The following PCDH9 variants were observed in gnomAD, a reference collection of about 807,000 sequenced individuals.
PCDH9 encodes the protein protocadherin 9, also known as protocadherin-9.
PCDH9 carries 24 observed loss-of-function variants against 70.6 expected under a neutral mutation model. The ratio of observed to expected loss-of-function variants is 0.34; its 90% CI spans 0.25 to 0.48. The LOEUF is 0.48. Among genes scored for constraint, PCDH9 ranks in the 20% least tolerant of loss-of-function variants. PCDH9 has a pLI of 0.99. For synonymous variants in PCDH9, 562 were observed against 558.5 expected, an observed-to-expected ratio of 1.01 and a Z score of -0.09; for missense variants, 1,281 against 1,503.6, an observed-to-expected ratio of 0.85 and a Z score of 2.45.
At chr13:66,748,003 G>C (rs2079398773) in intron 3 of PCDH9, among the ~76,000 whole-genome samples, 1 of 152,096 alleles carries the variant, frequency 6.6e-6, no homozygotes, top group Non-Finnish European at 1.5e-5. Flanking sequence ...AAACATTTAA[G>C]GAAGTAAGGA....
At chr13:66,483,381 C>T (rs1001421568) in intron 4 of PCDH9, among the ~76,000 whole-genome samples, 1 of 152,020 alleles carries the variant, frequency 6.6e-6, no homozygotes, top group African/African-American at 2.4e-5. Flanking sequence ...AGTGAGAAAA[C>T]TAGAGTCAAA....
intron 2 of PCDH9, among the ~76,000 whole-genome samples, chr13:67,008,962 A>G (rs1334065020): frequency 6.6e-6 from 1 of 152,180 alleles, no homozygotes; most frequent in Non-Finnish European, 1.5e-5. Flanking sequence ...ACATTCTATC[A>G]ACTGTATGTA....
chr13:67,094,985 C>T (rs1026629281), intron 2 of PCDH9, among the ~76,000 whole-genome samples: 40 of 152,110 alleles, frequency 2.6e-4, no homozygotes, highest in African/African-American at 9.2e-4. Flanking sequence ...CAAGTTGTCT[C>T]CCTCACCTGA....
chr13:67,224,816 T>G, intron 2 of PCDH9: 1 of 902,906 alleles, frequency 1.1e-6, no homozygotes, highest in Non-Finnish European at 1.3e-6. Flanking sequence ...TATATTACAA[T>G]AAAATAATTT....
intron 4 of PCDH9, among the ~76,000 whole-genome samples, chr13:66,350,059 C>A (rs1359807272): frequency 2.6e-5 from 4 of 152,124 alleles, no homozygotes; most frequent in African/African-American, 9.7e-5. Flanking sequence ...AGTATCTAAT[C>A]CTGCAGCTTG....
At chr13:66,719,461 T>A (rs1374460988) in intron 3 of PCDH9, among the ~76,000 whole-genome samples, 1 of 152,138 alleles carries the variant, frequency 6.6e-6, no homozygotes, top group African/African-American at 2.4e-5. Flanking sequence ...CCCTCCACCA[T>A]GTGAGGACTC....
intron 2 of PCDH9, among the ~76,000 whole-genome samples, chr13:67,103,453 T>C (rs2086473320): frequency 6.6e-6 from 1 of 152,198 alleles, no homozygotes; most frequent in Non-Finnish European, 1.5e-5. Flanking sequence ...ATAGAATGTA[T>C]ATATTGCCTA....
At chr13:66,492,699 T>C (rs1357364264) in intron 4 of PCDH9, among the ~76,000 whole-genome samples, 1 of 152,042 alleles carries the variant, frequency 6.6e-6, no homozygotes, top group Non-Finnish European at 1.5e-5. Context: ...AGCCTCATTT[T>C]GCATGACAGC....
At chr13:66,934,203 C>A (rs558009733) in intron 2 of PCDH9, among the ~76,000 whole-genome samples, 1 of 152,108 alleles carries the variant, frequency 6.6e-6, no homozygotes, top group African/African-American at 2.4e-5. Flanking sequence ...GATTATTATT[C>A]AAACATCTTC....
chr13:66,540,615 T>G (rs759582323), intron 4 of PCDH9, among the ~76,000 whole-genome samples: 15 of 152,326 alleles, frequency 9.8e-5, no homozygotes, highest in Non-Finnish European at 2.9e-5. Context: ...TTGAGAACTT[T>G]GCATACTTTT....
At chr13:67,102,919 C>T (rs2086463267) in intron 2 of PCDH9, among the ~76,000 whole-genome samples, 1 of 152,040 alleles carries the variant, frequency 6.6e-6, no homozygotes, top group Non-Finnish European at 1.5e-5. Flanking sequence ...GGTTATACTC[C>T]TACCTCTCCT....
intron 2 of PCDH9, among the ~76,000 whole-genome samples, chr13:66,985,262 G>A (rs1013762498): frequency 6.6e-6 from 1 of 151,880 alleles, no homozygotes; most frequent in Non-Finnish European, 1.5e-5. Flanking sequence ...TCAATCCCTG[G>A]CAATAAATCC....
intron 4 of PCDH9, among the ~76,000 whole-genome samples, chr13:66,533,867 A>G (rs1026276751): frequency 3.3e-5 from 5 of 152,160 alleles, no homozygotes; most frequent in Non-Finnish European, 7.4e-5. Context: ...GAACTCCCAA[A>G]GGCAGCCAAT....
At chr13:67,026,639 T>A (rs1028863627) in intron 2 of PCDH9, among the ~76,000 whole-genome samples, 39 of 152,184 alleles carry the variant, frequency 2.6e-4, no homozygotes, top group Admixed American at 1.9e-3. Flanking sequence ...TGTTTGCAGA[T>A]GACATGATTG....
chr13:66,514,249 C>A (rs1959624663), intron 4 of PCDH9, among the ~76,000 whole-genome samples: 1 of 152,034 alleles, frequency 6.6e-6, no homozygotes, highest in African/African-American at 2.4e-5. Flanking sequence ...CCTGGCATAT[C>A]CCAAGTCCCT....
intron 2 of PCDH9, among the ~76,000 whole-genome samples, chr13:66,934,952 C>A (rs1166362226): frequency 6.6e-6 from 1 of 151,176 alleles, no homozygotes; most frequent in African/African-American, 2.4e-5. Context: ...GATCTCCTGA[C>A]CTCGTGATCC....
intron 3 of PCDH9, among the ~76,000 whole-genome samples, chr13:66,723,214 T>C (rs1303397084): frequency 2.6e-5 from 4 of 152,138 alleles, no homozygotes; most frequent in Middle Eastern, 3.2e-3. Context: ...TATGGTGTTT[T>C]CTTCATATCT....
chr13:66,799,545 C>A (rs1260601989), intron 3 of PCDH9, among the ~76,000 whole-genome samples: 2 of 152,094 alleles, frequency 1.3e-5, no homozygotes, highest in East Asian at 3.9e-4. Context: ...TAATTAACTG[C>A]TAAGAACTAT....
chr13:66,633,682 GA>G (rs2077601070), intron 3 of PCDH9, among the ~76,000 whole-genome samples: 1 of 152,100 alleles, frequency 6.6e-6, no homozygotes, highest in Non-Finnish European at 1.5e-5. Context: ...CAAGTCTTAA[GA>G]GAAAAGCAAT....
Sources: allele counts gnomAD v4.1 joint callset (sites outside exome capture counted in the v4.1 genomes callset), GRCh38; gene constraint gnomAD v4.1.1; transcripts MANE v1.5; gene names NCBI Gene and HGNC (gene_info 2026-07-23, HGNC 2026-07-21).